The following VOPP1 variants were observed in gnomAD, a reference collection of about 807,000 sequenced individuals.
VOPP1 encodes WW domain binding protein VOPP1.
In VOPP1, 8 loss-of-function variants were observed where a neutral mutation model predicts 23.5. The observed-to-expected ratio is 0.34, with a 90% CI of 0.20 to 0.61. The LOEUF is 0.61. VOPP1 is among the 20% of genes least tolerant of loss of function. The pLI is 0.78. For missense variants in VOPP1, 174 were observed against 238.1 expected, an observed-to-expected ratio of 0.73 and a Z score of 1.77; for synonymous variants, 83 against 97.3, an observed-to-expected ratio of 0.85 and a Z score of 0.86.
At chr7:55,491,575 C>T (rs966003126) in intron 4 of VOPP1, among the ~76,000 whole-genome samples, 2 of 152,186 alleles carry the variant, frequency 1.3e-5, no homozygotes, top group South Asian at 4.1e-4. Context: ...CTTGGCTCCC[C>T]GCTGTCATCA....
chr7:55,479,316 C>T (rs1284513514), intron 4 of VOPP1, among the ~76,000 whole-genome samples: 1 of 151,456 alleles, frequency 6.6e-6, no homozygotes, highest in Non-Finnish European at 1.5e-5. Context: ...TCCCCCCACC[C>T]CACAACAGTC....
chr7:55,534,323 A>C (rs1249905592), intron 1 of VOPP1, among the ~76,000 whole-genome samples: 1 of 152,004 alleles, frequency 6.6e-6, no homozygotes, highest in Non-Finnish European at 1.5e-5. Flanking sequence ...TTTCTCATAT[A>C]ATTTCCTAAA....
At chr7:55,543,131 G>T (rs886975704) in intron 1 of VOPP1, among the ~76,000 whole-genome samples, 2 of 151,982 alleles carry the variant, frequency 1.3e-5, no homozygotes, top group Non-Finnish European at 2.9e-5. Flanking sequence ...TAGCCAGGAT[G>T]GTCTCGATCT....
intron 4 of VOPP1, among the ~76,000 whole-genome samples, chr7:55,477,359 G>A (rs1159245425): frequency 1.3e-5 from 2 of 152,258 alleles, no homozygotes; most frequent in Non-Finnish European, 2.9e-5. Context: ...TGACTGAAGG[G>A]GGGACGAGTG....
At chr7:55,511,280 G>A (rs915888765) in intron 2 of VOPP1, among the ~76,000 whole-genome samples, 1 of 152,194 alleles carries the variant, frequency 6.6e-6, no homozygotes, top group Non-Finnish European at 1.5e-5. Flanking sequence ...GACCCTCAGG[G>A]AGAGCAGTCG....
chr7:55,500,716 T>C (rs531109738), intron 2 of VOPP1, among the ~76,000 whole-genome samples: 2 of 152,366 alleles, frequency 1.3e-5, no homozygotes, highest in African/African-American at 2.4e-5. Flanking sequence ...ACAAACGTCT[T>C]GTTAATTTTC....
At chr7:55,490,470 A>G (rs1417042332) in intron 4 of VOPP1, among the ~76,000 whole-genome samples, 1 of 152,188 alleles carries the variant, frequency 6.6e-6, no homozygotes, top group African/African-American at 2.4e-5. Flanking sequence ...GCACAGTCTC[A>G]GCACCTCACC....
chr7:55,549,980 G>T (rs1212523269), intron 1 of VOPP1, among the ~76,000 whole-genome samples: 1 of 152,196 alleles, frequency 6.6e-6, no homozygotes. Flanking sequence ...AACAGTCCCT[G>T]GTCATCCACT....
At chr7:55,550,379 T>C (rs900158228) in intron 1 of VOPP1, among the ~76,000 whole-genome samples, 2 of 152,182 alleles carry the variant, frequency 1.3e-5, no homozygotes, top group African/African-American at 4.8e-5. Flanking sequence ...ATTTTTGCCC[T>C]AAGAAACAAT....
Position 55,437,103 on chromosome 7 carries a change from C to A in VOPP1, n.418-929G>T, listed in dbSNP as rs1434550826. ...CCAAGAACTGACAAGGCCAGCCTTT[C>A]AGACCATTCCTAATGGAGGTGGCAG... On this transcript the variant is annotated intron_variant and non_coding_transcript_variant, in intron 4 of 4. Transcript: ENST00000462326. Among the ~76,000 whole-genome samples the A allele has an allele frequency of 2.6e-5, 4 of 152,226 alleles. No homozygotes were observed. The East Asian group carries it at 7.7e-4, about 29-fold the overall frequency.
In VOPP1 at chr7:55,482,129, T is replaced by C. The variant is rs923319506; in HGVS notation, c.329-9084A>G. ...GATTTTTATCAGTATTAAAAGGACT[T>C]CCTTTTCATATGCATATATTAGTAA... is the stretch of plus-strand genomic sequence containing the variant. On this transcript the variant is annotated intron_variant, in intron 4 of 4. Coordinates refer to ENST00000285279, the MANE Select transcript of VOPP1 (RefSeq NM_030796.5). 4.6e-5 allele frequency among the ~76,000 whole-genome samples: 7 copies of C among 152,258 alleles called. No homozygotes were observed. The South Asian group carries it at 1.2e-3, about 27-fold the overall frequency.
At chr7:55,521,712 G>A in intron 1 of VOPP1, 1 of 987,110 alleles carries the variant, frequency 1.0e-6, no homozygotes, top group Non-Finnish European at 1.2e-6. Flanking sequence ...ACATCCCGGA[G>A]GCAGGGCCCA....
chr7:55,513,407 T>C (rs1032573560), intron 2 of VOPP1, among the ~76,000 whole-genome samples: 1 of 152,224 alleles, frequency 6.6e-6, no homozygotes, highest in East Asian at 1.9e-4. Flanking sequence ...TTCCCTTCCA[T>C]GCTCTCCTTT....
intron 4 of VOPP1, among the ~76,000 whole-genome samples, chr7:55,490,099 G>T (rs1373704224): frequency 6.6e-6 from 1 of 152,110 alleles, no homozygotes; most frequent in Non-Finnish European, 1.5e-5. Flanking sequence ...TCAGTCCTCA[G>T]CTAGGGACTG....
At chr7:55,553,886 C>T (rs1797713742) in intron 1 of VOPP1, 1 of 152,800 alleles carries the variant, frequency 6.5e-6, no homozygotes, top group Non-Finnish European at 1.5e-5. Flanking sequence ...TCCCAAGTCT[C>T]TCCTGTTCAG....
At position 55,448,534 on chromosome 7, in the gene VOPP1, G is replaced by A. The variant is rs886647576; in HGVS notation, n.418-12360C>T. 4.4e-4 allele frequency among the ~76,000 whole-genome samples: 65 copies of A among 146,864 alleles called. 1 individual carries two copies. Among genetic ancestry groups the A allele is most frequent in the Non-Finnish European group, 1.8e-4 (12 of 66,410 alleles). ...CACAATAAAGGTTGATTTTTCGCTC[G>A]AGCCCCGGTCCTGGCAGTTGGCAGG... is the stretch of plus-strand genomic sequence containing the variant. On this transcript the variant is annotated intron_variant and non_coding_transcript_variant, in intron 4 of 4. Coordinates refer to the VOPP1 transcript ENST00000462326.
chr7:55,477,445 G>A (rs558034956), intron 4 of VOPP1, among the ~76,000 whole-genome samples: 39 of 152,318 alleles, frequency 2.6e-4, no homozygotes, highest in South Asian at 1.7e-3. Flanking sequence ...ACCTGTTTCT[G>A]ATATGACAGG....
At chr7:55,482,482 A>ATT (rs71031859) in intron 4 of VOPP1, among the ~76,000 whole-genome samples, 36 of 132,806 alleles carry the variant, frequency 2.7e-4, no homozygotes, top group South Asian at 4.8e-4. Flanking sequence ...CACCTGGCTA[A>ATT]TTTTTTTTTT....
intron 1 of VOPP1, among the ~76,000 whole-genome samples, chr7:55,559,409 T>C (rs1481258189): frequency 2.0e-5 from 3 of 151,248 alleles, no homozygotes; most frequent in African/African-American, 7.3e-5. Context: ...GACCGTGCCA[T>C]TGGGCCGACC....
Sources: allele counts gnomAD v4.1 joint callset (sites outside exome capture counted in the v4.1 genomes callset), GRCh38; gene constraint gnomAD v4.1.1; transcripts MANE v1.5; gene names NCBI Gene and HGNC (gene_info 2026-07-23, HGNC 2026-07-21).